CNBD1: variants seen among roughly 807,000 people sequenced by gnomAD.
CNBD1 encodes cyclic nucleotide binding domain containing 1, also known as cyclic nucleotide-binding domain-containing protein 1.
A neutral mutation model predicts 54.4 loss-of-function variants in CNBD1; 71 were observed. The ratio of observed to expected loss-of-function variants is 1.30; its 90% CI spans 1.08 to 1.59. The LOEUF is 1.59. Ranked by LOEUF, CNBD1 falls within the 40% of genes most tolerant of loss-of-function variation. The probability of loss-of-function intolerance (pLI) is 0.00; values close to 1 mark genes in which losing one functional copy is unlikely to be tolerated. For synonymous variants in CNBD1, 182 were observed against 170.7 expected (o/e 1.07, Z -0.51); for missense variants, 659 against 518.0 (o/e 1.27, Z -2.64).
chr8:87,051,450 A>G (rs750436368), intron 4 of CNBD1, among the ~76,000 whole-genome samples: 1 of 152,182 alleles, frequency 6.6e-6, no homozygotes, highest in Non-Finnish European at 1.5e-5. Flanking sequence ...ACACAGAAAT[A>G]TAGAGGTGTG....
chr8:86,999,231 G>T (rs1808943674), intron 4 of CNBD1, among the ~76,000 whole-genome samples: 2 of 152,136 alleles, frequency 1.3e-5, no homozygotes, highest in Non-Finnish European at 2.9e-5. Flanking sequence ...CCCTCTTGGG[G>T]TCCAGAAGGA....
chr8:87,310,398 A>G (rs1308813871), intron 8 of CNBD1, among the ~76,000 whole-genome samples: 1 of 152,050 alleles, frequency 6.6e-6, no homozygotes, highest in African/African-American at 2.4e-5. Flanking sequence ...AAAAAAATAA[A>G]TACGTAGGAA....
chr8:87,305,544 G>A (rs963941349), intron 8 of CNBD1, among the ~76,000 whole-genome samples: 17 of 152,104 alleles, frequency 1.1e-4, no homozygotes, highest in African/African-American at 3.9e-4. Flanking sequence ...CATGGGATTG[G>A]TATAAAAATA....
chr8:86,901,844 G>A (rs1196630826), intron 2 of CNBD1, among the ~76,000 whole-genome samples: 1 of 152,098 alleles, frequency 6.6e-6, no homozygotes, highest in African/African-American at 2.4e-5. Context: ...AGAACATCGA[G>A]TAGACTAGCC....
In CNBD1 at chr8:87,165,561, C is replaced by T. The variant is rs540483348; in HGVS notation, c.432-40432C>T. Among the ~76,000 whole-genome samples the T allele has an allele frequency of 1.0e-3, 152 of 152,026 alleles. 1 individual carries two copies. The highest frequency in any genetic ancestry group is 3.3e-3 in the African/African-American group (136 of 41,528). Reference sequence around the variant, plus strand: ...TAAAATCTATCTTGCTTGTTACAAGCGCAGCCACCCTTGCTTTCTTTTGGT... The same window carrying T: ...TAAAATCTATCTTGCTTGTTACAAGTGCAGCCACCCTTGCTTTCTTTTGGT... On this transcript the variant is annotated intron_variant, in intron 4 of 10. Coordinates refer to ENST00000518476, the MANE Select transcript of CNBD1 (RefSeq NM_173538.3).
chr8:87,333,589 T>C (rs887303878), intron 8 of CNBD1, among the ~76,000 whole-genome samples: 12 of 152,192 alleles, frequency 7.9e-5, no homozygotes, highest in African/African-American at 2.7e-4. Context: ...CATGAAGTGA[T>C]GTTGAATTTT....
At chr8:87,043,180 A>G (rs1241705365) in intron 4 of CNBD1, among the ~76,000 whole-genome samples, 1 of 152,176 alleles carries the variant, frequency 6.6e-6, no homozygotes, top group Non-Finnish European at 1.5e-5. Flanking sequence ...TGTTGTGCCA[A>G]TGGAATGAGG....
chr8:86,927,697 A>G (rs916412861), intron 3 of CNBD1, among the ~76,000 whole-genome samples: 2 of 152,204 alleles, frequency 1.3e-5, no homozygotes, highest in African/African-American at 4.8e-5. Context: ...ATACTGCTTA[A>G]TAATGTAATG....
chr8:87,250,914 C>T (rs1194493016), intron 6 of CNBD1, among the ~76,000 whole-genome samples: 2 of 151,972 alleles, frequency 1.3e-5, no homozygotes, highest in African/African-American at 4.8e-5. Context: ...TATTTGGTGG[C>T]ACAATAGGGT....
chr8:86,948,225 A>C (rs1807516795), intron 4 of CNBD1, among the ~76,000 whole-genome samples: 3 of 152,156 alleles, frequency 2.0e-5, no homozygotes. Context: ...TAAATGTGGG[A>C]ATAGAGATAT....
chr8:86,971,653 G>C (rs998493852), intron 4 of CNBD1, among the ~76,000 whole-genome samples: 11 of 151,956 alleles, frequency 7.2e-5, no homozygotes, highest in Admixed American at 1.3e-4. Context: ...CAGTTCCATA[G>C]AGTTTCTATA....
intron 6 of CNBD1, among the ~76,000 whole-genome samples, chr8:87,237,966 A>G (rs1044710299): frequency 1.3e-5 from 2 of 148,946 alleles, no homozygotes; most frequent in African/African-American, 2.6e-5. Flanking sequence ...TGCATTTGCC[A>G]TGTCAGTGAC....
intron 8 of CNBD1, among the ~76,000 whole-genome samples, chr8:87,311,445 A>C (rs1397685676): frequency 1.3e-5 from 2 of 152,130 alleles, no homozygotes; most frequent in Non-Finnish European, 2.9e-5. Context: ...AAGTCAAAAA[A>C]TAACAGATGC....
intron 4 of CNBD1, among the ~76,000 whole-genome samples, chr8:86,964,787 A>G (rs1446287634): frequency 6.6e-6 from 1 of 152,198 alleles, no homozygotes; most frequent in African/African-American, 2.4e-5. Context: ...TTGTTTCCCC[A>G]GTTCCCTGGG....
In CNBD1 at chr8:87,206,130, G is replaced by T. The variant is rs1312301463; in HGVS notation, c.569G>T (p.Gly190Val). The change falls in exon 5 of 11, where the codon GGC becomes GTC. Residue 190 changes from glycine to valine, a missense_variant. Physicochemically the swap from Gly to Val is moderately radical, Grantham distance 109. Coordinates refer to ENST00000518476, the MANE Select transcript of CNBD1 (RefSeq NM_173538.3). ...KTVFSETWLK[G>V]STVVANDGFY... ...GTCTTTTCCGAAACCTGGTTGAAAG[G>T]CAGCACAGGTAATAGACTAATGTGG... 1 of 1,585,820 alleles carries T rather than the reference G, an allele frequency of 6.3e-7. No homozygotes were observed. Among genetic ancestry groups the T allele is most frequent in the Admixed American group, 1.8e-5 (1 of 54,506 alleles).
chr8:87,310,025 A>G (rs964125927), intron 8 of CNBD1, among the ~76,000 whole-genome samples: 2 of 152,094 alleles, frequency 1.3e-5, no homozygotes, highest in African/African-American at 2.4e-5. Flanking sequence ...TAGCATTTCT[A>G]TATACCAATA....
intron 8 of CNBD1, among the ~76,000 whole-genome samples, chr8:87,346,665 C>A (rs1028876535): frequency 1.3e-5 from 2 of 151,922 alleles, no homozygotes; most frequent in Non-Finnish European, 2.9e-5. Flanking sequence ...TGACTATGTG[C>A]TGATATACTA....
chr8:87,375,571 T>A (rs1328792977), intron 10 of CNBD1, among the ~76,000 whole-genome samples: 2 of 151,846 alleles, frequency 1.3e-5, no homozygotes, highest in Non-Finnish European at 2.9e-5. Flanking sequence ...ATCACACAGA[T>A]TCTATTTTCT....
intron 5 of CNBD1, among the ~76,000 whole-genome samples, chr8:87,227,777 A>G (rs1330217361): frequency 1.3e-5 from 2 of 149,750 alleles, no homozygotes; most frequent in African/African-American, 5.0e-5. Context: ...CCTGAATCTG[A>G]ACATTGGCCT....
Sources: gnomAD v4.1 joint callset for allele counts (sites outside exome capture counted in the v4.1 genomes callset) on GRCh38, gnomAD v4.1.1 for gene constraint, MANE v1.5 for transcripts, NCBI Gene and HGNC (gene_info 2026-07-23, HGNC 2026-07-21) for gene names.